MTUS2: variants seen among roughly 807,000 people sequenced by gnomAD.
MTUS2 encodes the protein microtubule associated scaffold protein 2, also known as microtubule-associated tumor suppressor candidate 2.
MTUS2 carries 40 observed loss-of-function variants against 114.1 expected under a neutral mutation model. The ratio of observed to expected loss-of-function variants is 0.35; its 90% CI spans 0.27 to 0.46. The LOEUF (loss-of-function observed/expected upper bound fraction) is 0.46. Ranked by LOEUF, MTUS2 falls within the 20% of genes least tolerant of loss-of-function variation. The pLI, the probability that MTUS2 is intolerant of heterozygous loss-of-function variation, is 1.00. For synonymous variants in MTUS2, 688 were observed against 672.0 expected (o/e 1.02, Z -0.37); for missense variants, 1,679 against 1,705.4 (o/e 0.98, Z 0.27).
chr13:29,205,633 C>G (rs1895152992), intron 5 of MTUS2, among the ~76,000 whole-genome samples: 1 of 152,234 alleles, frequency 6.6e-6, no homozygotes, highest in Admixed American at 6.5e-5. Context: ...TAGCTTAACT[C>G]CCACTTATGA....
chr13:29,388,669 ATAAAAT>A (rs918903884), intron 8 of MTUS2, among the ~76,000 whole-genome samples: 3 of 151,866 alleles, frequency 2.0e-5, no homozygotes, highest in African/African-American at 7.2e-5. Flanking sequence ...CCTTTTAAAA[ATAAAAT>A]TAAAATTTAA....
chr13:29,125,051 A>G (rs116522439), intron 5 of MTUS2, among the ~76,000 whole-genome samples: 177 of 152,348 alleles, frequency 1.2e-3, no homozygotes, highest in African/African-American at 4.1e-3. Context: ...ACTTAATACC[A>G]CTGAACTTTA....
chr13:29,486,237 G>A (rs990151809), intron 10 of MTUS2, among the ~76,000 whole-genome samples: 2 of 152,124 alleles, frequency 1.3e-5, no homozygotes, highest in South Asian at 2.1e-4. Context: ...CTCACACTGC[G>A]ATGCAGCTTT....
intron 8 of MTUS2, among the ~76,000 whole-genome samples, chr13:29,438,423 A>C (rs1464727770): frequency 6.6e-6 from 1 of 152,238 alleles, no homozygotes; most frequent in African/African-American, 2.4e-5. Context: ...ACAATTCTGC[A>C]GTCTGGGAAG....
intron 6 of MTUS2, chr13:29,307,848 G>A (rs1466022663): frequency 4.5e-6 from 3 of 672,010 alleles, no homozygotes; most frequent in Non-Finnish European, 8.1e-6. Flanking sequence ...CACTGCTGGG[G>A]GACACTTAGT....
At chr13:29,389,345 G>A (rs59739547) in intron 8 of MTUS2, among the ~76,000 whole-genome samples, 26,468 of 49,630 alleles carry the variant, frequency 0.53, 9,098 homozygotes, top group Admixed American at 0.64. Context: ...ATGTATGCAC[G>A]TGTGTGTATA....
chr13:28,966,556 T>C (rs1040289617), intron 2 of MTUS2, among the ~76,000 whole-genome samples: 2 of 151,752 alleles, frequency 1.3e-5, no homozygotes, highest in African/African-American at 4.8e-5. Flanking sequence ...GAACCTTTTC[T>C]ACAAAAAATT....
chr13:29,463,862 G>A (rs892966684), intron 9 of MTUS2, among the ~76,000 whole-genome samples: 3 of 152,136 alleles, frequency 2.0e-5, no homozygotes, highest in Non-Finnish European at 4.4e-5. Context: ...AGCCAGGTGT[G>A]GTGGCACGTA....
At chr13:28,919,782 G>A (rs1023870320) in intron 2 of MTUS2, among the ~76,000 whole-genome samples, 1 of 151,954 alleles carries the variant, frequency 6.6e-6, no homozygotes, top group Admixed American at 6.6e-5. Context: ...CATTTCCTCT[G>A]ACTGTATTTT....
At chr13:29,012,627 A>G (rs894385722) in intron 2 of MTUS2, among the ~76,000 whole-genome samples, 1 of 152,174 alleles carries the variant, frequency 6.6e-6, no homozygotes, top group Non-Finnish European at 1.5e-5. Context: ...TAATCCCAGC[A>G]CTTTGGGAGG....
At chr13:29,420,848 G>C (rs1439094175) in intron 8 of MTUS2, among the ~76,000 whole-genome samples, 1 of 152,092 alleles carries the variant, frequency 6.6e-6, no homozygotes, top group African/African-American at 2.4e-5. Context: ...TAAGGAGGCT[G>C]CCTCTCCTGT....
chr13:28,987,183 A>G (rs1439999062), intron 2 of MTUS2, among the ~76,000 whole-genome samples: 1 of 152,198 alleles, frequency 6.6e-6, no homozygotes, highest in Non-Finnish European at 1.5e-5. Flanking sequence ...TTGTCAGCCT[A>G]CAGGTGGTAG....
rs772172671 is a variant in MTUS2 at position 29,033,874 on chromosome 13, A to T, written c.2206-11A>T. The T allele has an allele frequency of 6.2e-7, 1 of 1,613,612 alleles. No individual in the cohort carries two copies. The highest frequency in any genetic ancestry group is 8.5e-7 in the Non-Finnish European group (1 of 1,179,702). ...AAGGTCTCTGATTGAGTTTTTGTTCATTTATCATAGGTTACAGACCACCCT... is the reference window on the plus strand; with the variant it reads ...AAGGTCTCTGATTGAGTTTTTGTTCTTTTATCATAGGTTACAGACCACCCT... On this transcript the variant is annotated splice_polypyrimidine_tract_variant and intron_variant, in intron 3 of 15. Coordinates refer to ENST00000612955, the MANE Select transcript of MTUS2 (RefSeq NM_001033602.4).
chr13:29,371,579 C>T (rs1256171861), intron 8 of MTUS2, among the ~76,000 whole-genome samples: 1 of 152,022 alleles, frequency 6.6e-6, no homozygotes, highest in East Asian at 1.9e-4. Flanking sequence ...ACTCAGGTTG[C>T]CTTGATCAAA....
intron 4 of MTUS2, among the ~76,000 whole-genome samples, chr13:29,100,129 T>C (rs2138817620): frequency 6.6e-6 from 1 of 152,310 alleles, no homozygotes; most frequent in South Asian, 2.1e-4. Flanking sequence ...GTCAGTGTTA[T>C]CATTCCCAGT....
chr13:29,165,380 T>C (rs1423079691), intron 5 of MTUS2, among the ~76,000 whole-genome samples: 2 of 152,028 alleles, frequency 1.3e-5, no homozygotes, highest in Non-Finnish European at 1.5e-5. Context: ...GTCCATTAGC[T>C]CTTATCAGAG....
chr13:29,495,357 A>G (rs916528587), intron 12 of MTUS2, among the ~76,000 whole-genome samples: 1 of 123,094 alleles, frequency 8.1e-6, no homozygotes, highest in Non-Finnish European at 1.7e-5. Flanking sequence ...GTCTTTGTCA[A>G]AAAAAAAAAA....
intron 11 of MTUS2, chr13:29,489,907 C>T (rs1381068087): frequency 3.3e-5 from 5 of 152,184 alleles, no homozygotes; most frequent in African/African-American, 9.7e-5. Context: ...GGAAGCTGGT[C>T]TCACAAGAAA....
chr13:29,423,933 C>T (rs533761056), intron 8 of MTUS2, among the ~76,000 whole-genome samples: 69 of 151,500 alleles, frequency 4.6e-4, no homozygotes, highest in African/African-American at 1.5e-3. Context: ...GACACGATCT[C>T]GGCTCACGGC....
Sources: gnomAD v4.1 joint callset for allele counts (sites outside exome capture counted in the v4.1 genomes callset) on GRCh38, gnomAD v4.1.1 for gene constraint, MANE v1.5 for transcripts, NCBI Gene and HGNC (gene_info 2026-07-23, HGNC 2026-07-21) for gene names.